Variants in PPM1H observed in about 807,000 individuals in gnomAD.
The protein encoded by PPM1H is protein phosphatase 1H.
In PPM1H, 27 loss-of-function variants were observed where a neutral mutation model predicts 54.9. That is an observed-to-expected ratio of 0.49 (90% CI 0.36 to 0.68). The LOEUF (loss-of-function observed/expected upper bound fraction) is 0.68, where lower values mean the gene tolerates loss of function less well. Ranked by LOEUF, PPM1H falls within the 30% of genes least tolerant of loss-of-function variation. PPM1H has a pLI of 0.00. For missense variants in PPM1H, 596 were observed against 667.8 expected (o/e 0.89, Z 1.19); for synonymous variants, 305 against 270.8 (o/e 1.13, Z -1.24).
At position 62,707,337 on chromosome 12, in the gene PPM1H, C is replaced by T. The variant is rs542354391; in HGVS notation, c.1073+12834G>A. On this transcript the variant is annotated intron_variant, in intron 6 of 9. Coordinates refer to ENST00000228705, the MANE Select transcript of PPM1H (RefSeq NM_020700.2). ...CCACTGCCAGTCCAGTCTACTGGCA[C>T]CTTATGAACAGTCACTGGCTCACTG... 9.8e-5 allele frequency among the ~76,000 whole-genome samples: 15 copies of T among 152,318 alleles called. No homozygotes were observed. The South Asian group carries it at 3.1e-3, about 32-fold the overall frequency.
chr12:62,735,503 C>A (rs775852317), intron 5 of PPM1H, among the ~76,000 whole-genome samples: 64 of 152,206 alleles, frequency 4.2e-4, no homozygotes, highest in Non-Finnish European at 7.9e-4. Flanking sequence ...CAGGCATGAG[C>A]CACCGTGCCC....
rs140692639 is a variant in PPM1H at position 62,781,737 on chromosome 12, G to A, written c.869+6489C>T. On this transcript the variant is annotated intron_variant, in intron 4 of 9. Coordinates refer to ENST00000228705, the MANE Select transcript of PPM1H (RefSeq NM_020700.2). ...GAGCAAGAAGTACCTGAGAGAGGAA[G>A]GTCAGAGAGAGAAGGGCCTCTCGGG... Among the ~76,000 whole-genome samples the A allele has an allele frequency of 8.1e-3, 1,240 of 152,362 alleles. 17 individuals are homozygous for A. Among genetic ancestry groups the A allele is most frequent in the African/African-American group, 0.028 (1,179 of 41,586 alleles).
At chr12:62,784,528 TA>T (rs529750155) in intron 4 of PPM1H, among the ~76,000 whole-genome samples, 2 of 151,088 alleles carry the variant, frequency 1.3e-5, no homozygotes, top group Non-Finnish European at 3.0e-5. Flanking sequence ...TGTCAAGATG[TA>T]AAAAAAAAGC....
chr12:62,664,041 G>C (rs1352683500), intron 9 of PPM1H, among the ~76,000 whole-genome samples: 1 of 150,832 alleles, frequency 6.6e-6, no homozygotes, highest in Non-Finnish European at 1.5e-5. Flanking sequence ...GAAGAATATA[G>C]ACCGAACTAG....
intron 3 of PPM1H, among the ~76,000 whole-genome samples, chr12:62,801,144 C>T (rs868009942): frequency 1.5e-4 from 23 of 152,322 alleles, no homozygotes; most frequent in Admixed American, 3.3e-4. Context: ...CTTTCCTAAA[C>T]CCTGTTTCCC....
intron 8 of PPM1H, among the ~76,000 whole-genome samples, chr12:62,673,824 C>G (rs886542971): frequency 6.1e-5 from 9 of 148,444 alleles, no homozygotes; most frequent in East Asian, 2.0e-4. Flanking sequence ...CTGCCACACT[C>G]AAGCAACCCT....
chr12:62,655,293 C>T (rs757225152), intron 9 of PPM1H, among the ~76,000 whole-genome samples: 11 of 152,154 alleles, frequency 7.2e-5, no homozygotes, highest in Non-Finnish European at 1.0e-4. Context: ...CATCCATCTT[C>T]GGAGCCACCT....
chr12:62,706,239 C>T (rs1241491891), intron 6 of PPM1H, among the ~76,000 whole-genome samples: 1 of 152,184 alleles, frequency 6.6e-6, no homozygotes, highest in Non-Finnish European at 1.5e-5. Context: ...ACCTCACTCC[C>T]AAAATTTTCA....
intron 1 of PPM1H, among the ~76,000 whole-genome samples, chr12:62,891,545 T>G (rs921465942): frequency 3.3e-5 from 5 of 152,254 alleles, no homozygotes; most frequent in African/African-American, 9.6e-5. Context: ...TTAACTCAGA[T>G]GCTAATGTCC....
intron 6 of PPM1H, 118 bp from the exon 7 acceptor site, chr12:62,694,117 C>G (rs2076100086): frequency 1.2e-6 from 1 of 825,792 alleles, no homozygotes; most frequent in Admixed American, 2.2e-5. Context: ...ACCACACTGA[C>G]TACCTCTTCC....
At chr12:62,715,921 G>A (rs946052861) in intron 6 of PPM1H, among the ~76,000 whole-genome samples, 3 of 152,134 alleles carry the variant, frequency 2.0e-5, no homozygotes, top group African/African-American at 4.8e-5. Context: ...CTATAGGATC[G>A]TCAAGACACC....
chr12:62,817,142 A>G (rs1313363674), intron 2 of PPM1H, among the ~76,000 whole-genome samples: 5 of 135,080 alleles, frequency 3.7e-5, no homozygotes, highest in Non-Finnish European at 6.6e-5. Context: ...AAAAAGAAAA[A>G]AAAAAAAACT....
chr12:62,728,116 A>T (rs1014232226), intron 5 of PPM1H, among the ~76,000 whole-genome samples: 3 of 152,212 alleles, frequency 2.0e-5, no homozygotes, highest in Non-Finnish European at 4.4e-5. Context: ...GTATACCCCA[A>T]GTTCATGTGT....
At chr12:62,806,428 T>C (rs1043590296) in intron 2 of PPM1H, among the ~76,000 whole-genome samples, 31 of 152,330 alleles carry the variant, frequency 2.0e-4, no homozygotes, top group Middle Eastern at 6.8e-3. Flanking sequence ...ATATCAGACA[T>C]GGCCTGATCT....
chr12:62,739,079 GAA>G (rs34304517), intron 4 of PPM1H, among the ~76,000 whole-genome samples: 1 of 146,148 alleles, frequency 6.8e-6, no homozygotes, highest in Non-Finnish European at 1.5e-5. Context: ...ATGACTCTAG[GAA>G]AAAAAAAAAC....
chr12:62,668,564 T>G (rs2075934444), intron 8 of PPM1H, among the ~76,000 whole-genome samples: 2 of 152,170 alleles, frequency 1.3e-5, no homozygotes, highest in South Asian at 4.1e-4. Flanking sequence ...TTAGTAGAGA[T>G]GGGGTTTTAC....
At chr12:62,877,300 A>G (rs955905531) in intron 1 of PPM1H, among the ~76,000 whole-genome samples, 5 of 152,160 alleles carry the variant, frequency 3.3e-5, no homozygotes, top group African/African-American at 9.7e-5. Context: ...GCTTCCTGAT[A>G]TTGAACACAG....
At chr12:62,705,564 T>C (rs1592553747) in intron 6 of PPM1H, among the ~76,000 whole-genome samples, 1 of 152,346 alleles carries the variant, frequency 6.6e-6, no homozygotes, top group East Asian at 1.9e-4. Flanking sequence ...ACAGAACTAA[T>C]AATATTTCAG....
intron 1 of PPM1H, among the ~76,000 whole-genome samples, chr12:62,838,892 G>A (rs1254387497): frequency 2.6e-5 from 2 of 76,920 alleles, no homozygotes; most frequent in Non-Finnish European, 4.4e-5. Context: ...CTGCACTCCA[G>A]CCTGGGCGAC....
Sources: gnomAD v4.1 joint callset for allele counts (sites outside exome capture counted in the v4.1 genomes callset) on GRCh38, gnomAD v4.1.1 for gene constraint, MANE v1.5 for transcripts, NCBI Gene and HGNC (gene_info 2026-07-23, HGNC 2026-07-21) for gene names.